Variants in PPFIBP1 observed in about 807,000 individuals in gnomAD.
PPFIBP1 encodes liprin-beta-1.
A neutral mutation model predicts 137.8 loss-of-function variants in PPFIBP1; 112 were observed. The observed-to-expected ratio is 0.81, with a 90% confidence interval of 0.70 to 0.95. PPFIBP1 has a LOEUF of 0.95. Among genes scored for constraint, PPFIBP1 ranks in the 40% least tolerant of loss-of-function variants. The pLI is 0.00. For missense variants in PPFIBP1, 1,083 were observed against 1,196.6 expected, an observed-to-expected ratio of 0.91 and a Z score of 1.40; for synonymous variants, 378 against 417.3, an observed-to-expected ratio of 0.91 and a Z score of 1.15.
chr12:27,580,639 T>C (rs1244223579), intron 2 of PPFIBP1, among the ~76,000 whole-genome samples: 3 of 152,240 alleles, frequency 2.0e-5, no homozygotes. Flanking sequence ...TTTAAAAATA[T>C]GAGACTTCGG....
rs375118005 is a variant in PPFIBP1, at chr12:27,598,792, G to A, written c.-36+20553G>A. ...CCAAAAGAAGGTCAGGGGATTTGGG[G>A]GTCCTCATTAACAATACGGCTCATG... On this transcript the variant is annotated intron_variant, in intron 2 of 29. Coordinates refer to ENST00000228425, the MANE Select transcript of PPFIBP1 (RefSeq NM_003622.4). 3.5e-4 allele frequency among the ~76,000 whole-genome samples: 53 copies of A among 152,256 alleles called. 1 individual carries two copies. Among genetic ancestry groups the A allele is most frequent in the South Asian group, 1.2e-3 (6 of 4,818 alleles).
chr12:27,687,579 G>A (rs2061277337), intron 25 of PPFIBP1, 72 bp downstream of exon 25: 4 of 1,499,464 alleles, frequency 2.7e-6, no homozygotes, highest in East Asian at 4.8e-5. Flanking sequence ...TCGAAACTAA[G>A]AGCCATTTTT....
chr12:27,575,299 A>AC (rs2050467015), intron 1 of PPFIBP1, among the ~76,000 whole-genome samples: 1 of 152,240 alleles, frequency 6.6e-6, no homozygotes, highest in Admixed American at 6.5e-5. Flanking sequence ...CTTCTTACAG[A>AC]CCCTTGCTTT....
intron 2 of PPFIBP1, among the ~76,000 whole-genome samples, chr12:27,582,135 T>C (rs2051194329): frequency 6.6e-6 from 1 of 152,170 alleles, no homozygotes; most frequent in African/African-American, 2.4e-5. Flanking sequence ...TTTTTTCCTT[T>C]ATGAGACAGA....
At chr12:27,595,852 T>TCAACAACAACAACAA (rs1235600375) in intron 2 of PPFIBP1, among the ~76,000 whole-genome samples, 2 of 126,606 alleles carry the variant, frequency 1.6e-5, no homozygotes, top group Admixed American at 8.3e-5. Flanking sequence ...GACACTCTGA[T>TCAACAACAACAACAA]CAACAACAAC....
intron 2 of PPFIBP1, among the ~76,000 whole-genome samples, chr12:27,611,955 G>A (rs1022720290): frequency 6.6e-6 from 1 of 152,176 alleles, no homozygotes; most frequent in African/African-American, 2.4e-5. Context: ...CTAGTTCTGA[G>A]GATTTTAAAT....
intron 1 of PPFIBP1, among the ~76,000 whole-genome samples, chr12:27,545,167 A>C (rs1393201509): frequency 2.0e-5 from 3 of 150,926 alleles, no homozygotes; most frequent in Admixed American, 6.6e-5. Context: ...CTCACTCATA[A>C]GTGGAAGTTG....
chr12:27,567,971 A>G (rs960027525), intron 1 of PPFIBP1, among the ~76,000 whole-genome samples: 1 of 152,116 alleles, frequency 6.6e-6, no homozygotes, highest in African/African-American at 2.4e-5. Flanking sequence ...GGCTCAAGCA[A>G]TCCTCCTGCC....
At chr12:27,657,054 TC>T (rs2059246428) in intron 9 of PPFIBP1, 1 of 197,996 alleles carries the variant, frequency 5.1e-6, no homozygotes, top group Admixed American at 6.0e-5. Flanking sequence ...AAAAGAACCA[TC>T]CCTGTGTCCC....
intron 3 of PPFIBP1, among the ~76,000 whole-genome samples, chr12:27,633,878 C>T (rs1213713905): frequency 1.5e-5 from 2 of 133,806 alleles, no homozygotes; most frequent in Non-Finnish European, 3.1e-5. Flanking sequence ...CTCTCTGTTG[C>T]CCAGGCTGGA....
chr12:27,567,710 G>T (rs796312358), intron 1 of PPFIBP1, among the ~76,000 whole-genome samples: 11 of 151,892 alleles, frequency 7.2e-5, no homozygotes, highest in African/African-American at 2.7e-4. Context: ...AAAATAAACT[G>T]GTAAATCCAA....
chr12:27,564,114 G>A (rs61915306), intron 1 of PPFIBP1, among the ~76,000 whole-genome samples: 77,424 of 151,780 alleles, frequency 0.51, 20,860 homozygotes, highest in Middle Eastern at 0.73. Flanking sequence ...CTTGTGATCC[G>A]CCTGCCTCGG....
At chr12:27,624,908 T>C (rs2056680314) in intron 2 of PPFIBP1, among the ~76,000 whole-genome samples, 1 of 152,184 alleles carries the variant, frequency 6.6e-6, no homozygotes, top group Non-Finnish European at 1.5e-5. Context: ...GAAAATTTTG[T>C]GGTTTAAATA....
chr12:27,525,513 G>GA (rs56656340), intron 1 of PPFIBP1, among the ~76,000 whole-genome samples: 9,986 of 93,564 alleles, frequency 0.11, 531 homozygotes, highest in East Asian at 0.25. Flanking sequence ...GAGCAGGAAG[G>GA]AAAAAAAAAA....
chr12:27,528,038 T>C (rs1565706413), intron 1 of PPFIBP1, among the ~76,000 whole-genome samples: 1 of 152,058 alleles, frequency 6.6e-6, no homozygotes, highest in Non-Finnish European at 1.5e-5. Flanking sequence ...AACCTCCACT[T>C]CCCGGGTTCA....
chr12:27,689,909 C>G (rs1281679057), intron 27 of PPFIBP1, among the ~76,000 whole-genome samples: 1 of 152,150 alleles, frequency 6.6e-6, no homozygotes, highest in Non-Finnish European at 1.5e-5. Flanking sequence ...CAGCATGCAG[C>G]TAGCTACATT....
intron 2 of PPFIBP1, among the ~76,000 whole-genome samples, chr12:27,602,249 G>A (rs1457753619): frequency 6.6e-6 from 1 of 152,182 alleles, no homozygotes; most frequent in Admixed American, 6.5e-5. Flanking sequence ...GTCTTCAGCT[G>A]AGGACACCAT....
At chr12:27,599,651 T>C (rs1320193378) in intron 2 of PPFIBP1, among the ~76,000 whole-genome samples, 1 of 152,218 alleles carries the variant, frequency 6.6e-6, no homozygotes, top group East Asian at 1.9e-4. Flanking sequence ...TTTCATTAAT[T>C]TAAATTATGA....
At chr12:27,629,987 T>G (rs4930866) in intron 2 of PPFIBP1, among the ~76,000 whole-genome samples, 48,041 of 151,812 alleles carry the variant, frequency 0.32, 8,133 homozygotes, top group Middle Eastern at 0.39. Context: ...TGAATATAAC[T>G]TGTAGACTTG....
Sources: gnomAD v4.1 joint callset for allele counts (sites outside exome capture counted in the v4.1 genomes callset) on GRCh38, gnomAD v4.1.1 for gene constraint, MANE v1.5 for transcripts, NCBI Gene and HGNC (gene_info 2026-07-23, HGNC 2026-07-21) for gene names.